Variants in SCAPER observed in about 807,000 individuals in gnomAD.
SCAPER encodes the protein S phase cyclin A-associated protein in the endoplasmic reticulum.
In SCAPER, 98 loss-of-function variants were observed where a neutral mutation model predicts 182.2. The observed-to-expected ratio is 0.54, with a 90% CI of 0.46 to 0.64. The LOEUF (loss-of-function observed/expected upper bound fraction) is 0.64. Among genes scored for constraint, SCAPER ranks in the 30% least tolerant of loss-of-function variants. The probability of loss-of-function intolerance (pLI) is 0.00; values close to 1 mark genes in which losing one functional copy is unlikely to be tolerated. For synonymous variants in SCAPER, 605 were observed against 564.6 expected (o/e 1.07, Z -1.01); for missense variants, 1,432 against 1,690.0 (o/e 0.85, Z 2.68).
chr15:76,840,414 C>A (rs1473176565), intron 5 of SCAPER, among the ~76,000 whole-genome samples: 17 of 132,946 alleles, frequency 1.3e-4, no homozygotes, highest in Admixed American at 1.2e-3. Context: ...AAAAGACCTG[C>A]CTCAAAAAAA....
intron 4 of SCAPER, chr15:76,855,912 A>G (rs11637494): frequency 0.35 from 140,500 of 406,172 alleles, 26,047 homozygotes; most frequent in East Asian, 0.54. Context: ...CAGCAATCCC[A>G]TTACTGGGTA....
intron 20 of SCAPER, among the ~76,000 whole-genome samples, chr15:76,698,542 A>C (rs759923494): frequency 6.6e-6 from 1 of 152,214 alleles, no homozygotes; most frequent in Admixed American, 6.5e-5. Flanking sequence ...GCAAGCACAT[A>C]AAATTAGCTG....
chr15:76,836,088 G>C (rs963857433), intron 5 of SCAPER, among the ~76,000 whole-genome samples: 24 of 152,086 alleles, frequency 1.6e-4, no homozygotes, highest in Non-Finnish European at 3.4e-4. Context: ...AATCAATACT[G>C]ATCAAATTGC....
chr15:76,878,851 G>A (rs2073353648), intron 2 of SCAPER, among the ~76,000 whole-genome samples: 1 of 152,058 alleles, frequency 6.6e-6, no homozygotes, highest in Admixed American at 6.5e-5. Flanking sequence ...AAAAAAATGG[G>A]GAGGAAACTT....
intron 4 of SCAPER, among the ~76,000 whole-genome samples, chr15:76,844,373 G>A (rs891313114): frequency 1.3e-5 from 2 of 151,232 alleles, no homozygotes; most frequent in Non-Finnish European, 2.9e-5. Context: ...CTGAGAATCT[G>A]AGAAAACCTA....
At position 76,764,976 on chromosome 15, in the gene SCAPER, C is replaced by T. The variant is rs754297303; in HGVS notation, c.1710G>A (p.Gln570=). ...KLREEKTLKL[Q]KLLEREKDVR... ...AAAAACTCACCCTTTCTAACAATTT[C>T]TGAAGCTTCAATGTTTTCTCTTCGC... Residue 570 remains glutamine (Q), a synonymous_variant, in exon 14 of 32, where the codon CAG becomes CAA. Transcript: ENST00000563290. The T allele has an allele frequency of 3.5e-5, 56 of 1,590,400 alleles. 1 individual carries two copies. The South Asian group carries it at 5.4e-4, about 15-fold the overall frequency.
chr15:76,714,763 T>C (rs561806675), intron 17 of SCAPER, among the ~76,000 whole-genome samples: 1 of 152,292 alleles, frequency 6.6e-6, no homozygotes, highest in East Asian at 1.9e-4. Context: ...CTCCTCAGGT[T>C]AAAAACCTTG....
At chr15:76,763,288 C>A (rs945577820) in intron 14 of SCAPER, among the ~76,000 whole-genome samples, 1 of 148,460 alleles carries the variant, frequency 6.7e-6, no homozygotes, top group African/African-American at 2.5e-5. Context: ...AATGTAACAT[C>A]CCATTATCTC....
In SCAPER at chr15:76,421,024, T is replaced by G. The variant is rs1222006511; in HGVS notation, c.3311+13054A>C. On this transcript the variant is annotated intron_variant, in intron 26 of 31. Transcript: ENST00000563290. The stretch of plus-strand genomic sequence containing the variant: ...TTTTCTTAATCCACTCTATCAATGA[T>G]GTACATCTGGGTTGGTTCCAAGTCT... Among the ~76,000 whole-genome samples, 9 of 152,256 alleles carry G rather than the reference T, an allele frequency of 5.9e-5. 1 individual carries two copies. Among genetic ancestry groups the G allele is most frequent in the Non-Finnish European group, 1.3e-4 (9 of 68,048 alleles).
At chr15:76,356,844 A>G (rs1181416059) in intron 29 of SCAPER, among the ~76,000 whole-genome samples, 1 of 152,178 alleles carries the variant, frequency 6.6e-6, no homozygotes, top group Admixed American at 6.5e-5. Flanking sequence ...AGCCAGAGAG[A>G]GCAAGTAGGG....
chr15:76,902,292 C>T (rs1189647506), intron 1 of SCAPER, among the ~76,000 whole-genome samples: 1 of 152,148 alleles, frequency 6.6e-6, no homozygotes, highest in Non-Finnish European at 1.5e-5. Context: ...GGGAATTAAA[C>T]ACAGAATATG....
chr15:76,808,173 C>T (rs929854777), intron 5 of SCAPER, among the ~76,000 whole-genome samples: 12 of 152,168 alleles, frequency 7.9e-5, no homozygotes, highest in African/African-American at 2.7e-4. Flanking sequence ...AGTTTCTCCA[C>T]AGAAAGGGTT....
At chr15:76,745,955 T>C (rs1371506201) in intron 15 of SCAPER, among the ~76,000 whole-genome samples, 2 of 152,108 alleles carry the variant, frequency 1.3e-5, no homozygotes, top group South Asian at 2.1e-4. Flanking sequence ...TAATAATACA[T>C]AGATCAGAAA....
chr15:76,559,216 T>A lies in SCAPER; in HGVS notation c.2838+14942A>T, dbSNP rs879415675. Among the ~76,000 whole-genome samples, 580 of 147,866 alleles carry A rather than the reference T, an allele frequency of 3.9e-3. 1 individual carries two copies. Among genetic ancestry groups the A allele is most frequent in the East Asian group, 8.2e-3 (42 of 5,134 alleles). ...CACCCAGCTAATTTTTTTTTTTTTT[T>A]TTTTTTTTTTGGTATTTTTAGTAGA... On this transcript the variant is annotated intron_variant, in intron 23 of 31. Coordinates refer to ENST00000563290, the MANE Select transcript of SCAPER (RefSeq NM_020843.4).
chr15:76,360,443 A>G lies in SCAPER; in HGVS notation c.3856-6303T>C, dbSNP rs533499627. On this transcript the variant is annotated intron_variant, in intron 29 of 31. Coordinates refer to ENST00000563290, the MANE Select transcript of SCAPER (RefSeq NM_020843.4). ...GTCATTGGTAGAGCTGGGCTTAGCA[A>G]TCTCTTATTATTCCAAATGCTAGAT... Among the ~76,000 whole-genome samples, 4 of 152,234 alleles carry G rather than the reference A, an allele frequency of 2.6e-5. No individual in the cohort carries two copies. In the South Asian group the frequency reaches 8.3e-4, roughly 32 times the overall value.
chr15:76,548,489 T>C (rs1174216369), intron 23 of SCAPER, among the ~76,000 whole-genome samples: 2 of 152,210 alleles, frequency 1.3e-5, no homozygotes, highest in African/African-American at 2.4e-5. Context: ...CAAGTTGATA[T>C]AGTAGAGCAA....
chr15:76,800,849 G>A (rs1053785783), intron 6 of SCAPER, among the ~76,000 whole-genome samples: 8 of 152,146 alleles, frequency 5.3e-5, no homozygotes, highest in South Asian at 4.1e-4. Context: ...AATCACTCAC[G>A]AGAGTAGGAT....
chr15:76,752,754 TAG>T (rs912814263), intron 15 of SCAPER, among the ~76,000 whole-genome samples: 13 of 151,666 alleles, frequency 8.6e-5, no homozygotes, highest in African/African-American at 2.9e-4. Context: ...TTAATGAGTA[TAG>T]AGTTTCAGTT....
intron 25 of SCAPER, among the ~76,000 whole-genome samples, chr15:76,468,359 G>C (rs2049855464): frequency 6.6e-6 from 1 of 152,142 alleles, no homozygotes; most frequent in African/African-American, 2.4e-5. Flanking sequence ...TAATGTCCCA[G>C]GATCCCAGTT....
Sources: gnomAD v4.1 joint callset for allele counts (sites outside exome capture counted in the v4.1 genomes callset) on GRCh38, gnomAD v4.1.1 for gene constraint, MANE v1.5 for transcripts, NCBI Gene and HGNC (gene_info 2026-07-23, HGNC 2026-07-21) for gene names.